ROBO2: variants seen among roughly 807,000 people sequenced by gnomAD.
ROBO2 encodes roundabout guidance receptor 2.
Under a neutral mutation model 160.8 loss-of-function variants are expected in ROBO2, and 53 were observed. That is an observed-to-expected ratio of 0.33 (90% CI 0.26 to 0.41). ROBO2 has a LOEUF of 0.41. ROBO2 is among the 10% of genes least tolerant of loss of function. The pLI is 1.00. For missense variants in ROBO2, 1,577 were observed against 1,722.4 expected, an observed-to-expected ratio of 0.92 and a Z score of 1.49; for synonymous variants, 664 against 611.7, an observed-to-expected ratio of 1.09 and a Z score of -1.26.
intron 2 of ROBO2, chr3:76,434,043 A>C: frequency 7.8e-7 from 1 of 1,278,702 alleles, no homozygotes; most frequent in Non-Finnish European, 1.1e-6. Context: ...AATCTGGTAG[A>C]AAGACTGGAG....
upstream of ROBO2, among the ~76,000 whole-genome samples, chr3:77,035,650 A>G (rs1027788480): frequency 2.0e-5 from 3 of 151,960 alleles, no homozygotes; most frequent in Admixed American, 6.6e-5. Context: ...ATTGGTGACC[A>G]CTTCAAAATG....
intron 2 of ROBO2, among the ~76,000 whole-genome samples, chr3:76,583,243 C>T (rs1028818281): frequency 1.3e-5 from 2 of 152,136 alleles, no homozygotes; most frequent in Admixed American, 6.5e-5. Flanking sequence ...CTTGTCTCAG[C>T]ATCTGACTCA....
intron 2 of ROBO2, among the ~76,000 whole-genome samples, chr3:76,589,117 CAAAAG>C (rs1473253759): frequency 1.3e-5 from 2 of 152,010 alleles, no homozygotes; most frequent in Admixed American, 1.3e-4. Context: ...GGTCTCAACA[CAAAAG>C]AAAGGAAACT....
At chr3:76,637,137 A>G (rs2090386468) in intron 2 of ROBO2, among the ~76,000 whole-genome samples, 1 of 152,154 alleles carries the variant, frequency 6.6e-6, no homozygotes, top group African/African-American at 2.4e-5. Context: ...GGAACCAGTC[A>G]GGAGGACTAT....
At chr3:77,046,934 T>TA (rs1209208714) in intron 1 of ROBO2, among the ~76,000 whole-genome samples, 1 of 151,980 alleles carries the variant, frequency 6.6e-6, no homozygotes, top group East Asian at 1.9e-4. Context: ...GTCACTAGAA[T>TA]AAAAAAAGTA....
intron 2 of ROBO2, among the ~76,000 whole-genome samples, chr3:77,407,581 G>T (rs1445305315): frequency 6.6e-6 from 1 of 152,136 alleles, no homozygotes; most frequent in Non-Finnish European, 1.5e-5. Context: ...ACTGGCCTAA[G>T]GTTTCTCCAT....
chr3:77,372,571 A>C (rs1240693577), intron 2 of ROBO2, among the ~76,000 whole-genome samples: 2 of 152,190 alleles, frequency 1.3e-5, no homozygotes, highest in African/African-American at 4.8e-5. Flanking sequence ...TGAGTTGCTT[A>C]AAGTCATAGA....
At chr3:76,928,227 A>G (rs2077105026) in intron 2 of ROBO2, among the ~76,000 whole-genome samples, 1 of 152,170 alleles carries the variant, frequency 6.6e-6, no homozygotes, top group South Asian at 2.1e-4. Flanking sequence ...GCCATGAGCC[A>G]CAAAATGGGA....
At chr3:77,132,282 G>A (rs1253689946) in intron 2 of ROBO2, among the ~76,000 whole-genome samples, 2 of 152,078 alleles carry the variant, frequency 1.3e-5, no homozygotes, top group Non-Finnish European at 2.9e-5. Flanking sequence ...CCAAGAGACA[G>A]AGTACTTGGA....
intron 9 of ROBO2, among the ~76,000 whole-genome samples, chr3:77,559,424 AT>A (rs951718503): frequency 3.3e-4 from 50 of 152,198 alleles, no homozygotes; most frequent in Non-Finnish European, 6.6e-4. Context: ...TGGAGAGTAT[AT>A]TTTAGTAATC....
At chr3:77,113,570 C>A (rs1402261238) in intron 2 of ROBO2, among the ~76,000 whole-genome samples, 2 of 152,114 alleles carry the variant, frequency 1.3e-5, no homozygotes, top group Admixed American at 6.5e-5. Flanking sequence ...ATGGCAATAA[C>A]CCATTATATG....
chr3:77,030,200 T>C (rs930591598), intron 2 of ROBO2, among the ~76,000 whole-genome samples: 3 of 152,188 alleles, frequency 2.0e-5, no homozygotes, highest in African/African-American at 7.2e-5. Flanking sequence ...TGCCTCGGCC[T>C]CCCAGAGTGC....
At chr3:76,781,038 A>G (rs2062610475) in intron 2 of ROBO2, among the ~76,000 whole-genome samples, 1 of 150,768 alleles carries the variant, frequency 6.6e-6, no homozygotes, top group Non-Finnish European at 1.5e-5. Context: ...AGTTCTTCCA[A>G]TTCACAAATA....
chr3:77,577,932 A>C (rs996556566), intron 15 of ROBO2, among the ~76,000 whole-genome samples: 4 of 152,084 alleles, frequency 2.6e-5, no homozygotes, highest in Admixed American at 6.6e-5. Context: ...AATGGATTTT[A>C]TCTTTGTTAT....
chr3:77,607,015 T>C (rs1239884607), intron 20 of ROBO2, among the ~76,000 whole-genome samples: 2 of 152,316 alleles, frequency 1.3e-5, no homozygotes. Flanking sequence ...AAATGATAAA[T>C]TGTATTTTTT....
At chr3:76,746,678 T>C (rs1371503261) in intron 2 of ROBO2, among the ~76,000 whole-genome samples, 1 of 152,250 alleles carries the variant, frequency 6.6e-6, no homozygotes, top group East Asian at 1.9e-4. Flanking sequence ...CCAGGGTACA[T>C]AGGCAGGATG....
At chr3:77,366,742 T>C (rs1406523699) in intron 2 of ROBO2, among the ~76,000 whole-genome samples, 1 of 149,898 alleles carries the variant, frequency 6.7e-6, no homozygotes, top group Non-Finnish European at 1.5e-5. Context: ...AGTGTAGAGG[T>C]CACATGGCCA....
chr3:77,504,353 A>C (rs1165500674), intron 5 of ROBO2, among the ~76,000 whole-genome samples: 1 of 152,138 alleles, frequency 6.6e-6, no homozygotes, highest in African/African-American at 2.4e-5. Flanking sequence ...CAGTTGTTAT[A>C]AAAATATGTC....
chr3:77,180,408 C>CTATA (rs1227677498), intron 2 of ROBO2, among the ~76,000 whole-genome samples: 8 of 101,586 alleles, frequency 7.9e-5, no homozygotes, highest in African/African-American at 2.7e-4. Context: ...CTCTCTCTCT[C>CTATA]TCTCTCTCTA....
Sources: gnomAD v4.1 joint callset for allele counts (sites outside exome capture counted in the v4.1 genomes callset) on GRCh38, gnomAD v4.1.1 for gene constraint, MANE v1.5 for transcripts, NCBI Gene and HGNC (gene_info 2026-07-23, HGNC 2026-07-21) for gene names.